COPG2: variants seen among roughly 807,000 people sequenced by gnomAD.
COPG2 encodes coatomer subunit gamma-2.
In COPG2, 37 loss-of-function variants were observed where a neutral mutation model predicts 46.3. The ratio of observed to expected loss-of-function variants is 0.80; its 90% CI spans 0.61 to 1.05. The LOEUF (loss-of-function observed/expected upper bound fraction) is 1.05. COPG2 is among the 50% of genes least tolerant of loss of function. The pLI is 0.00. For missense variants in COPG2, 427 were observed against 387.8 expected, an observed-to-expected ratio of 1.10 and a Z score of -0.85; for synonymous variants, 159 against 129.7, an observed-to-expected ratio of 1.23 and a Z score of -1.53.
chr7:130,609,118 C>T (rs1794791080), intron 9 of COPG2, among the ~76,000 whole-genome samples: 2 of 152,022 alleles, frequency 1.3e-5, no homozygotes, highest in African/African-American at 4.8e-5. Context: ...TGAGCTCAAG[C>T]GATTCACCTG....
intron 20 of COPG2, chr7:130,510,946 G>T (rs782393646): frequency 1.9e-6 from 1 of 520,060 alleles, no homozygotes; most frequent in South Asian, 1.4e-5. Flanking sequence ...AAGAGAATCA[G>T]GAAAGAATGC....
At chr7:130,634,666 G>A (rs797027277) in intron 5 of COPG2, among the ~76,000 whole-genome samples, 3 of 152,256 alleles carry the variant, frequency 2.0e-5, no homozygotes, top group African/African-American at 7.2e-5. Flanking sequence ...TGCAAACAGA[G>A]ACAATCTGAC....
At chr7:130,633,105 T>C (rs1486626658) in intron 5 of COPG2, among the ~76,000 whole-genome samples, 1 of 152,220 alleles carries the variant, frequency 6.6e-6, no homozygotes, top group Non-Finnish European at 1.5e-5. Context: ...TAGTATTACA[T>C]GGTGTATATG....
chr7:130,617,782 T>C (rs782487360), intron 5 of COPG2, among the ~76,000 whole-genome samples: 3 of 152,204 alleles, frequency 2.0e-5, no homozygotes, highest in African/African-American at 4.8e-5. Flanking sequence ...TTTTGACTGA[T>C]AGTCCTTCAT....
intron 9 of COPG2, among the ~76,000 whole-genome samples, chr7:130,608,911 C>T (rs572475038): frequency 3.3e-5 from 5 of 152,134 alleles, no homozygotes; most frequent in East Asian, 1.9e-4. Context: ...CTCTGTCACC[C>T]GGGTTGGAGT....
intron 4 of COPG2, among the ~76,000 whole-genome samples, chr7:130,659,832 A>C (rs1436562529): frequency 1.3e-5 from 2 of 152,192 alleles, no homozygotes; most frequent in African/African-American, 4.8e-5. Context: ...GAATCGCTCA[A>C]ACCCGGGAGG....
rs940827075 is a variant in COPG2 at position 130,612,139 on chromosome 7, T to C, written c.579+13A>G. On this transcript the variant is annotated intron_variant, in intron 8 of 23. Coordinates refer to ENST00000425248, the MANE Select transcript of COPG2 (RefSeq NM_012133.6). Reference sequence around the variant, plus strand: ...TGATCCTGAGACAAGCTAATGTGATTCAATGACAATACCTGGACCATAATA... The same window carrying C: ...TGATCCTGAGACAAGCTAATGTGATCCAATGACAATACCTGGACCATAATA... The C allele has an allele frequency of 8.9e-6, 14 of 1,575,456 alleles. No homozygotes were observed. The highest frequency in any genetic ancestry group is 1.0e-5 in the Non-Finnish European group (12 of 1,147,020).
intron 15 of COPG2, 33 bp downstream of exon 15, chr7:130,552,322 A>ATT (rs1218230886): frequency 7.9e-5 from 31 of 391,730 alleles, no homozygotes; most frequent in African/African-American, 2.1e-5. Context: ...TAGAATTCTT[A>ATT]TTTTTTTTTA....
At position 130,526,564 on chromosome 7, in the gene COPG2, G is replaced by A. The variant is rs977204362; in HGVS notation, c.2150-17905C>T. 6.9e-3 allele frequency among the ~76,000 whole-genome samples: 1,045 copies of A among 152,136 alleles called. 8 individuals carry two copies. Among genetic ancestry groups the A allele is most frequent in the Middle Eastern group, 0.014 (4 of 294 alleles). Reference sequence around the variant, plus strand: ...CAGGGAAGGATGGAGGGCAGAAAGCGTGGTGGAAGGGAGCTGGGCAGGACA... The same window carrying A: ...CAGGGAAGGATGGAGGGCAGAAAGCATGGTGGAAGGGAGCTGGGCAGGACA... On this transcript the variant is annotated intron_variant, in intron 20 of 23. Transcript: ENST00000425248.
chr7:130,565,744 T>G (rs910386754), intron 9 of COPG2, among the ~76,000 whole-genome samples: 28 of 150,268 alleles, frequency 1.9e-4, no homozygotes, highest in African/African-American at 6.8e-4. Context: ...CAGAAATGAT[T>G]TTTTTTTTTA....
At chr7:130,516,921 C>T (rs997656298) in intron 20 of COPG2, among the ~76,000 whole-genome samples, 1 of 152,202 alleles carries the variant, frequency 6.6e-6, no homozygotes, top group South Asian at 2.1e-4. Context: ...TCTGAGAGCA[C>T]AGACAAATAC....
At chr7:130,532,096 T>A (rs1380751601) in intron 20 of COPG2, among the ~76,000 whole-genome samples, 1 of 150,656 alleles carries the variant, frequency 6.6e-6, no homozygotes, top group African/African-American at 2.4e-5. Flanking sequence ...ACATGTAGAG[T>A]GAGAGGGGAA....
intron 20 of COPG2, among the ~76,000 whole-genome samples, chr7:130,543,387 G>C (rs1294639919): frequency 6.6e-6 from 1 of 152,196 alleles, no homozygotes; most frequent in African/African-American, 2.4e-5. Context: ...AAACTATATA[G>C]AAAGAACTTG....
Position 130,591,201 on chromosome 7 carries a change from C to A in COPG2, c.737+19752G>T, listed in dbSNP as rs1259623207. On this transcript the variant is annotated intron_variant, in intron 9 of 23. Coordinates refer to ENST00000425248, the MANE Select transcript of COPG2 (RefSeq NM_012133.6). ...GTCCGGGAGGTGAGGGGCGCCTCTG[C>A]CCGGCCGCCCCTACTGGGAAGTGAG... Among the ~76,000 whole-genome samples the A allele has an allele frequency of 3.5e-5, 5 of 140,846 alleles. No homozygotes were observed. In the East Asian group the frequency reaches 1.1e-3, roughly 32 times the overall value. The allele number at this position is 140,846 out of a possible 152,430, so 92.4% of individuals were successfully genotyped here.
chr7:130,522,214 G>A (rs1335575499), intron 20 of COPG2, among the ~76,000 whole-genome samples: 2 of 152,120 alleles, frequency 1.3e-5, no homozygotes, highest in Non-Finnish European at 2.9e-5. Flanking sequence ...AGGACTAAGA[G>A]AGTCTTTAAG....
At chr7:130,584,093 A>G (rs1051221573) in intron 9 of COPG2, among the ~76,000 whole-genome samples, 2 of 152,036 alleles carry the variant, frequency 1.3e-5, no homozygotes, top group East Asian at 1.9e-4. Flanking sequence ...ATCCAACAAT[A>G]TATCAAGGAT....
chr7:130,642,245 C>CTT (rs34046542), intron 5 of COPG2, among the ~76,000 whole-genome samples: 31 of 149,238 alleles, frequency 2.1e-4, no homozygotes, highest in East Asian at 9.8e-4. Context: ...AACTACATCT[C>CTT]TTTTTTTTTT....
chr7:130,560,936 A>G, intron 12 of COPG2, 97 bp downstream of exon 12: 2 of 397,516 alleles, frequency 5.0e-6, no homozygotes, highest in Non-Finnish European at 4.4e-6. Flanking sequence ...TAGACTTCAT[A>G]AAAATTTAAA....
At chr7:130,592,004 G>T (rs1353735298) in intron 9 of COPG2, among the ~76,000 whole-genome samples, 1 of 152,232 alleles carries the variant, frequency 6.6e-6, no homozygotes, top group East Asian at 1.9e-4. Flanking sequence ...TGGTTGCCGT[G>T]TCTGTGTAGA....
Sources: gnomAD v4.1 joint callset for allele counts (sites outside exome capture counted in the v4.1 genomes callset) on GRCh38, gnomAD v4.1.1 for gene constraint, MANE v1.5 for transcripts, NCBI Gene and HGNC (gene_info 2026-07-23, HGNC 2026-07-21) for gene names.